The following SCAPER variants were observed in gnomAD, a reference collection of about 807,000 sequenced individuals.
The protein encoded by SCAPER is S phase cyclin A-associated protein in the endoplasmic reticulum.
A neutral mutation model predicts 182.2 loss-of-function variants in SCAPER; 98 were observed. The observed-to-expected ratio is 0.54, with a 90% CI of 0.46 to 0.64. SCAPER has a LOEUF of 0.64. Ranked by LOEUF, SCAPER falls within the 30% of genes least tolerant of loss-of-function variation. The probability of loss-of-function intolerance (pLI) is 0.00; values close to 1 mark genes in which losing one functional copy is unlikely to be tolerated. For synonymous variants in SCAPER, 605 were observed against 564.6 expected (o/e 1.07, Z -1.01); for missense variants, 1,432 against 1,690.0 (o/e 0.85, Z 2.68).
At chr15:76,517,795 T>C (rs978768305) in intron 23 of SCAPER, among the ~76,000 whole-genome samples, 1 of 152,164 alleles carries the variant, frequency 6.6e-6, no homozygotes, top group East Asian at 1.9e-4. Context: ...GGATTGAATA[T>C]AGAATACCAC....
In SCAPER at chr15:76,626,508, G is replaced by A. The variant is rs556143010; in HGVS notation, c.2646-4679C>T. On this transcript the variant is annotated intron_variant, in intron 21 of 31. Coordinates refer to ENST00000563290, the MANE Select transcript of SCAPER (RefSeq NM_020843.4). Reference sequence around the variant, plus strand: ...GAGGCGGGTGGATCACTTGAGGTCAGGAGTTCAAGACCAGCCTGGCCAACA... The same window carrying A: ...GAGGCGGGTGGATCACTTGAGGTCAAGAGTTCAAGACCAGCCTGGCCAACA... Among the ~76,000 whole-genome samples the A allele has an allele frequency of 2.0e-5, 3 of 152,312 alleles. No homozygotes were observed. In the South Asian group the frequency reaches 6.2e-4, roughly 32 times the overall value.
intron 28 of SCAPER, among the ~76,000 whole-genome samples, chr15:76,377,166 T>C (rs878939445): frequency 2.6e-5 from 4 of 152,210 alleles, no homozygotes; most frequent in Non-Finnish European, 5.9e-5. Context: ...TTGAACCAGG[T>C]TGGATACGTT....
chr15:76,799,846 T>C (rs2065623365), intron 7 of SCAPER, among the ~76,000 whole-genome samples: 1 of 152,038 alleles, frequency 6.6e-6, no homozygotes, highest in Non-Finnish European at 1.5e-5. Context: ...CAAATGAAAC[T>C]CCATTCCCCT....
chr15:76,854,446 A>C (rs1043129944), intron 4 of SCAPER, among the ~76,000 whole-genome samples: 1 of 152,154 alleles, frequency 6.6e-6, no homozygotes, highest in African/African-American at 2.4e-5. Context: ...AACACTGCTC[A>C]AAGAAATCAG....
chr15:76,564,802 G>A (rs1448021607), intron 23 of SCAPER, among the ~76,000 whole-genome samples: 3 of 152,082 alleles, frequency 2.0e-5, no homozygotes, highest in Admixed American at 2.0e-4. Flanking sequence ...AAACAGCATG[G>A]TACTGGTACG....
At chr15:76,864,425 T>C (rs956002090) in intron 2 of SCAPER, among the ~76,000 whole-genome samples, 11 of 152,252 alleles carry the variant, frequency 7.2e-5, no homozygotes, top group Non-Finnish European at 1.6e-4. Flanking sequence ...TCTTTAACCT[T>C]ACAATATCCA....
chr15:76,395,635 T>C (rs2043997444), intron 27 of SCAPER, among the ~76,000 whole-genome samples: 1 of 152,194 alleles, frequency 6.6e-6, no homozygotes, highest in Non-Finnish European at 1.5e-5. Context: ...CTGTTTGCCA[T>C]TTGTATGTCT....
chr15:76,798,740 T>G (rs1568172286), intron 7 of SCAPER, among the ~76,000 whole-genome samples: 2 of 151,808 alleles, frequency 1.3e-5, no homozygotes, highest in Admixed American at 6.6e-5. Flanking sequence ...CAGAAGGCAG[T>G]AAGGAAACAT....
At chr15:76,891,495 C>T (rs1419369446) in intron 1 of SCAPER, among the ~76,000 whole-genome samples, 2 of 152,108 alleles carry the variant, frequency 1.3e-5, no homozygotes, top group Non-Finnish European at 2.9e-5. Context: ...AATCAATATG[C>T]AAAAATTGCA....
intron 17 of SCAPER, among the ~76,000 whole-genome samples, chr15:76,714,032 C>A (rs569133262): frequency 1.3e-4 from 20 of 152,082 alleles, no homozygotes; most frequent in African/African-American, 4.6e-4. Flanking sequence ...GACATATACA[C>A]AAATACTACT....
At chr15:76,682,900 C>T (rs975802517) in intron 20 of SCAPER, among the ~76,000 whole-genome samples, 3 of 152,070 alleles carry the variant, frequency 2.0e-5, no homozygotes, top group Admixed American at 6.6e-5. Flanking sequence ...AAAAACAAAA[C>T]GACCCCATCC....
At chr15:76,419,024 G>C (rs927617031) in intron 26 of SCAPER, among the ~76,000 whole-genome samples, 2 of 152,188 alleles carry the variant, frequency 1.3e-5, no homozygotes, top group African/African-American at 4.8e-5. Context: ...CATGTACCTG[G>C]CCCAACAACC....
chr15:76,895,295 A>C (rs1271946084), intron 1 of SCAPER, among the ~76,000 whole-genome samples: 3 of 152,224 alleles, frequency 2.0e-5, no homozygotes, highest in African/African-American at 7.2e-5. Context: ...GATCATCTCA[A>C]TAAATGCAGA....
At position 76,432,859 on chromosome 15, in the gene SCAPER, C is replaced by A. The variant is rs1162285831; in HGVS notation, c.3311+1219G>T. 1.3e-5 allele frequency among the ~76,000 whole-genome samples: 2 copies of A among 152,182 alleles called. 1 individual carries two copies. The highest frequency in any genetic ancestry group is 3.8e-4 in the East Asian group (2 of 5,196). ...ACTTTTAATCTTGTTTATTACATAA[C>A]CTTGGGCTAAGTACTTAACTTCTCT... On this transcript the variant is annotated intron_variant, in intron 26 of 31. Transcript: ENST00000563290.
At chr15:76,889,171 A>G (rs1042643084) in intron 1 of SCAPER, among the ~76,000 whole-genome samples, 6 of 152,232 alleles carry the variant, frequency 3.9e-5, no homozygotes, top group Non-Finnish European at 4.4e-5. Context: ...AGAGCTCCTG[A>G]AGGAAGCACT....
intron 15 of SCAPER, among the ~76,000 whole-genome samples, chr15:76,746,352 T>C (rs1008839682): frequency 4.6e-5 from 7 of 152,222 alleles, no homozygotes; most frequent in Non-Finnish European, 8.8e-5. Flanking sequence ...CTGCAGGTGG[T>C]TGAATCTGCA....
At position 76,593,236 on chromosome 15, in the gene SCAPER, T is replaced by C. The variant is rs1005120860; in HGVS notation, c.2712-18952A>G. Among the ~76,000 whole-genome samples, 5 of 120,984 alleles carry C rather than the reference T, an allele frequency of 4.1e-5. 1 individual carries two copies. The highest frequency in any genetic ancestry group is 1.9e-4 in the Admixed American group (2 of 10,642). The allele number at this position is 120,984 out of a possible 152,430, so 79.4% of individuals were successfully genotyped here. On this transcript the variant is annotated intron_variant, in intron 22 of 31. Transcript: ENST00000563290. ...TCGAGCTGGGTGGAGGCATCATAGC[T>C]CCGCAAAGCTGCTATAGCCAGACTG...
intron 8 of SCAPER, among the ~76,000 whole-genome samples, chr15:76,788,737 C>T (rs2064794167): frequency 6.6e-6 from 1 of 152,118 alleles, no homozygotes; most frequent in Admixed American, 6.5e-5. Context: ...TTTTAAAGTG[C>T]TTTATTATGA....
intron 15 of SCAPER, among the ~76,000 whole-genome samples, chr15:76,738,232 G>A (rs886381873): frequency 6.6e-6 from 1 of 152,056 alleles, no homozygotes; most frequent in African/African-American, 2.4e-5. Flanking sequence ...GAGCTCAAGT[G>A]ATTCGTTCAC....
Sources: allele counts gnomAD v4.1 joint callset (sites outside exome capture counted in the v4.1 genomes callset), GRCh38; gene constraint gnomAD v4.1.1; transcripts MANE v1.5; gene names NCBI Gene and HGNC (gene_info 2026-07-23, HGNC 2026-07-21).